Variants in SLC27A6 observed in about 807,000 individuals in gnomAD.
The protein encoded by SLC27A6 is solute carrier family 27 member 6.
In SLC27A6, 74 loss-of-function variants were observed where a neutral mutation model predicts 63.9. The ratio of observed to expected loss-of-function variants is 1.16; its 90% CI spans 0.96 to 1.40. The LOEUF is 1.40. SLC27A6 is among the 40% of genes most tolerant of loss of function. SLC27A6 has a pLI of 0.00. For missense variants in SLC27A6, 794 were observed against 732.9 expected, an observed-to-expected ratio of 1.08 and a Z score of -0.96; for synonymous variants, 287 against 260.8, an observed-to-expected ratio of 1.10 and a Z score of -0.97.
At chr5:128,969,706 C>T (rs1432147954) in intron 1 of SLC27A6, among the ~76,000 whole-genome samples, 1 of 152,160 alleles carries the variant, frequency 6.6e-6, no homozygotes, top group Non-Finnish European at 1.5e-5. Context: ...ATGTCATCTG[C>T]AAACAGGGAC....
intron 4 of SLC27A6, among the ~76,000 whole-genome samples, chr5:129,004,697 GGA>G (rs1269119888): frequency 6.6e-6 from 1 of 152,142 alleles, no homozygotes; most frequent in African/African-American, 2.4e-5. Flanking sequence ...ATTGAGAAGT[GGA>G]GTTTTAAAAA....
Position 128,983,289 on chromosome 5 carries a change from G to GA in SLC27A6, c.482-1844_482-1843insA, listed in dbSNP as rs1241719309. ...ACAGAACTTGAGCATTCTGATCCGGGTTTTTTTTTTTTTTTTTTTTGAGAC... is the reference window on the plus strand; with the variant it reads ...ACAGAACTTGAGCATTCTGATCCGGGATTTTTTTTTTTTTTTTTTTTGAGAC... On this transcript the variant is annotated intron_variant, in intron 1 of 9. Transcript: ENST00000262462. 4.9e-3 allele frequency among the ~76,000 whole-genome samples: 543 copies of GA among 111,112 alleles called. 8 individuals are homozygous for GA. The highest frequency in any genetic ancestry group is 0.018 in the African/African-American group (526 of 29,232). 72.9% of individuals were successfully genotyped at this position (111,112 alleles called of 152,430 possible).
At chr5:128,993,845 C>T (rs557574486) in intron 4 of SLC27A6, among the ~76,000 whole-genome samples, 7 of 142,328 alleles carry the variant, frequency 4.9e-5, no homozygotes, top group Non-Finnish European at 7.8e-5. Context: ...TGGTGGTTCA[C>T]GCCTGTAATC....
intron 5 of SLC27A6, among the ~76,000 whole-genome samples, chr5:129,021,515 T>TA (rs972425664): frequency 2.0e-5 from 3 of 152,204 alleles, no homozygotes; most frequent in African/African-American, 7.2e-5. Flanking sequence ...TAGAGCCACA[T>TA]AGGTGTGTGT....
chr5:129,015,379 G>A (rs938239411), intron 4 of SLC27A6, among the ~76,000 whole-genome samples: 16 of 152,132 alleles, frequency 1.1e-4, no homozygotes, highest in South Asian at 4.2e-4. Flanking sequence ...TCAAATTGTC[G>A]TTTACTCTAT....
chr5:128,979,415 G>T (rs563028785), intron 1 of SLC27A6, among the ~76,000 whole-genome samples: 1 of 152,114 alleles, frequency 6.6e-6, no homozygotes, highest in Non-Finnish European at 1.5e-5. Context: ...ATAACAAAGA[G>T]GTCATGAGGG....
intron 4 of SLC27A6, among the ~76,000 whole-genome samples, chr5:128,993,360 C>T (rs1751042331): frequency 1.3e-5 from 2 of 152,136 alleles, no homozygotes; most frequent in South Asian, 2.1e-4. Flanking sequence ...TTCCTGAGCT[C>T]CTCAATAATG....
chr5:128,981,066 C>T (rs1244565437), intron 1 of SLC27A6, among the ~76,000 whole-genome samples: 1 of 152,174 alleles, frequency 6.6e-6, no homozygotes, highest in African/African-American at 2.4e-5. Flanking sequence ...GTACTTGCAA[C>T]CCCACCTAAT....
chr5:129,011,511 A>C (rs1751726909), intron 4 of SLC27A6, among the ~76,000 whole-genome samples: 1 of 152,212 alleles, frequency 6.6e-6, no homozygotes, highest in South Asian at 2.1e-4. Context: ...GCAACACCAT[A>C]GCTGCTTGAC....
intron 1 of SLC27A6, among the ~76,000 whole-genome samples, chr5:128,979,376 C>T (rs764749059): frequency 1.3e-5 from 2 of 151,888 alleles, no homozygotes; most frequent in Non-Finnish European, 2.9e-5. Flanking sequence ...TCTTCTCTGG[C>T]CAAAAAGAAG....
At chr5:129,013,479 A>G (rs931532599) in intron 4 of SLC27A6, among the ~76,000 whole-genome samples, 4 of 152,158 alleles carry the variant, frequency 2.6e-5, no homozygotes, top group African/African-American at 9.6e-5. Context: ...ATTGTCTTCC[A>G]GGCTTACGGT....
At position 128,990,478 on chromosome 5, in the gene SLC27A6, T is replaced by A; in HGVS notation, c.969+14T>A. 1 of 1,591,994 alleles carries A rather than the reference T, an allele frequency of 6.3e-7. No individual in the cohort carries two copies. Among genetic ancestry groups the A allele is most frequent in the Admixed American group, 1.8e-5 (1 of 54,192 alleles). Reference sequence around the variant, plus strand: ...AAACAATCTAAGGTAGGCGTAATCATTATCAGAAAAAAATATGTCAGAAAG... The same window carrying A: ...AAACAATCTAAGGTAGGCGTAATCAATATCAGAAAAAAATATGTCAGAAAG... On this transcript the variant is annotated intron_variant, in intron 4 of 9. Coordinates refer to ENST00000262462, the MANE Select transcript of SLC27A6 (RefSeq NM_001017372.3).
intron 1 of SLC27A6, among the ~76,000 whole-genome samples, chr5:128,975,293 G>A (rs1454468329): frequency 6.6e-6 from 1 of 152,256 alleles, no homozygotes; most frequent in Non-Finnish European, 1.5e-5. Context: ...AGAGATTACA[G>A]TGAGCTGAGA....
rs555732735 is a variant in SLC27A6, at chr5:129,017,554, C to T, written c.1164+1475C>T. Reference sequence around the variant, plus strand: ...AATAATAAAGAGCAGAAATTAATGACATAGAAAAAATGTTTGGTGATGAAT... The same window carrying T: ...AATAATAAAGAGCAGAAATTAATGATATAGAAAAAATGTTTGGTGATGAAT... On this transcript the variant is annotated intron_variant, in intron 5 of 9. Transcript: ENST00000262462. Among the ~76,000 whole-genome samples the T allele has an allele frequency of 8.6e-5, 13 of 151,818 alleles. No homozygotes were observed. The South Asian group carries it at 2.7e-3, about 32-fold the overall frequency.
At chr5:128,986,906 G>T (rs144347416) in intron 2 of SLC27A6, among the ~76,000 whole-genome samples, 8 of 152,140 alleles carry the variant, frequency 5.3e-5, no homozygotes, top group African/African-American at 1.7e-4. Context: ...CCCCAGAAAG[G>T]CTCAGAAATT....
intron 4 of SLC27A6, among the ~76,000 whole-genome samples, chr5:128,998,147 G>T (rs971136252): frequency 2.0e-5 from 3 of 151,566 alleles, no homozygotes; most frequent in Non-Finnish European, 4.4e-5. Context: ...AAATTAGCCA[G>T]GGGTGGTGAT....
At chr5:129,022,663 A>G (rs981924985) in intron 5 of SLC27A6, among the ~76,000 whole-genome samples, 1 of 152,076 alleles carries the variant, frequency 6.6e-6, no homozygotes, top group Non-Finnish European at 1.5e-5. Context: ...TTTCTTACAG[A>G]ATAAAAATGA....
intron 7 of SLC27A6, 114 bp downstream of exon 7, chr5:129,027,445 T>C (rs1321528386): frequency 1.4e-6 from 1 of 730,330 alleles, no homozygotes; most frequent in East Asian, 2.5e-5. Context: ...CCCTTTTATC[T>C]CCATGTCTCC....
chr5:128,990,464 G>A lies in SLC27A6; in HGVS notation c.969G>A (p.Lys323=). Residue 323 remains lysine (K), a splice_region_variant and synonymous_variant, in exon 4 of 10, where the codon AAG becomes AAA. Transcript: ENST00000262462. ...GTCGCTACCTTTGCAAACAATCTAAGGTAGGCGTAATCATTATCAGAAAAA... is the reference window on the plus strand; with the variant it reads ...GTCGCTACCTTTGCAAACAATCTAAAGTAGGCGTAATCATTATCAGAAAAA... ...ELCRYLCKQS[K]REGEKDHKVR... is the part of the protein sequence containing the mutation. 6.2e-7 allele frequency: 1 copy of A among 1,606,618 alleles called. No individual in the cohort carries two copies. Among genetic ancestry groups the A allele is most frequent in the Non-Finnish European group, 8.5e-7 (1 of 1,178,452 alleles).
Sources: allele counts gnomAD v4.1 joint callset (sites outside exome capture counted in the v4.1 genomes callset), GRCh38; gene constraint gnomAD v4.1.1; transcripts MANE v1.5; gene names NCBI Gene and HGNC (gene_info 2026-07-23, HGNC 2026-07-21).